RTN3: variants seen among roughly 807,000 people sequenced by gnomAD.
RTN3 encodes reticulon-3.
Under a neutral mutation model 77.8 loss-of-function variants are expected in RTN3, and 49 were observed. The ratio of observed to expected loss-of-function variants is 0.63; its 90% CI spans 0.50 to 0.80. The LOEUF is 0.80. RTN3 is among the 30% of genes least tolerant of loss of function. The probability of loss-of-function intolerance (pLI) is 0.00; values close to 1 mark genes in which losing one functional copy is unlikely to be tolerated. For synonymous variants in RTN3, 464 were observed against 446.9 expected (o/e 1.04, Z -0.48); for missense variants, 1,236 against 1,211.9 (o/e 1.02, Z -0.29).
At chr11:63,754,338 G>C (rs1048242010) in intron 7 of RTN3, among the ~76,000 whole-genome samples, 2 of 151,914 alleles carry the variant, frequency 1.3e-5, no homozygotes, top group Admixed American at 1.3e-4. Flanking sequence ...CAGATCACTT[G>C]AGGTCAGGAG....
At chr11:63,684,001 G>C (rs1308694118) in intron 1 of RTN3, among the ~76,000 whole-genome samples, 1 of 133,678 alleles carries the variant, frequency 7.5e-6, no homozygotes, top group African/African-American at 2.9e-5. Flanking sequence ...TCACAGACTG[G>C]AGTGCAGTGG....
chr11:63,696,101 A>AAAC (rs1941925011), intron 1 of RTN3, among the ~76,000 whole-genome samples: 1 of 151,918 alleles, frequency 6.6e-6, no homozygotes. Flanking sequence ...TTAAAAAAAA[A>AAAC]AAAAAAACCT....
intron 2 of RTN3, among the ~76,000 whole-genome samples, chr11:63,708,600 A>G (rs1460005422): frequency 1.3e-5 from 2 of 152,352 alleles, no homozygotes; most frequent in East Asian, 3.9e-4. Context: ...AAAGTTTTTA[A>G]AAGTAAATTT....
intron 3 of RTN3, among the ~76,000 whole-genome samples, chr11:63,735,580 CTCTCTCTCTCTCTCTCTCTCTT>C (rs1209334599): frequency 1.3e-5 from 2 of 148,900 alleles, no homozygotes; most frequent in African/African-American, 2.5e-5. Flanking sequence ...CTCTCTCTCT[CTCTCTCTCTCTCTCTCTCTCTT>C]TCTTTCAACC....
rs149556717 is a variant in RTN3, at chr11:63,719,701, A to C, written c.1199A>C (p.Lys400Thr). Residue 400 changes from lysine (K) to threonine (T), a missense_variant, in exon 3 of 9, where the codon AAA becomes ACA. This residue lies in a region of RTN3 where 1,056 missense variants were observed against 990.4 expected (regional missense o/e 1.07). Transcript: ENST00000377819. ...CSIDGSTPIT[K>T]STGDWAEASL... is the part of the protein sequence containing the mutation. Reference sequence around the variant, plus strand: ...ATTGATGGGAGCACTCCCATCACTAAATCAACAGGTGATTGGGCAGAAGCA... The same window carrying C: ...ATTGATGGGAGCACTCCCATCACTACATCAACAGGTGATTGGGCAGAAGCA... 30 of 1,614,062 alleles carry C rather than the reference A, an allele frequency of 1.9e-5. No homozygotes were observed. Among genetic ancestry groups the C allele is most frequent in the Non-Finnish European group, 2.2e-5 (26 of 1,180,040 alleles).
intron 1 of RTN3, among the ~76,000 whole-genome samples, chr11:63,694,473 G>T: frequency 6.6e-6 from 1 of 150,796 alleles, no homozygotes; most frequent in Admixed American, 6.6e-5. Context: ...ACTGCGCCTG[G>T]CCTTTTAATT....
intron 1 of RTN3, among the ~76,000 whole-genome samples, chr11:63,700,521 CG>C (rs1413920774): frequency 6.6e-6 from 1 of 151,342 alleles, no homozygotes; most frequent in Non-Finnish European, 1.5e-5. Context: ...TGGGCGCAAG[CG>C]GTCCACCTGC....
chr11:63,713,998 A>G (rs781305381), intron 2 of RTN3: 2 of 518,594 alleles, frequency 3.9e-6, no homozygotes, highest in South Asian at 1.4e-5. Flanking sequence ...AGCAGTGACT[A>G]CAAGTGCCAT....
chr11:63,754,907 G>A (rs571356735), intron 7 of RTN3, among the ~76,000 whole-genome samples: 22 of 115,924 alleles, frequency 1.9e-4, no homozygotes, highest in Middle Eastern at 6.9e-3. Flanking sequence ...CAGCCTGGGC[G>A]ACAGGGAGAC....
chr11:63,743,480 AT>A (rs1169741034), intron 3 of RTN3, among the ~76,000 whole-genome samples: 7 of 152,168 alleles, frequency 4.6e-5, no homozygotes, highest in African/African-American at 1.7e-4. Context: ...CCTTGGTGGA[AT>A]TCTTTAAAAT....
intron 3 of RTN3, among the ~76,000 whole-genome samples, chr11:63,747,881 A>G (rs1233331081): frequency 6.6e-6 from 1 of 152,230 alleles, no homozygotes; most frequent in African/African-American, 2.4e-5. Flanking sequence ...TTAAAGTAAT[A>G]TAGTGAGAAA....
At chr11:63,711,096 A>G (rs577852334) in intron 2 of RTN3, among the ~76,000 whole-genome samples, 4 of 152,022 alleles carry the variant, frequency 2.6e-5, no homozygotes, top group Non-Finnish European at 4.4e-5. Flanking sequence ...CCTGGCTGAC[A>G]TGGCAAAACC....
chr11:63,753,094 C>A lies in RTN3; in HGVS notation c.2903C>A (p.Thr968Asn). Residue 968 changes from threonine (T) to asparagine (N), a missense_variant, in exon 6 of 9, where the codon ACC becomes AAC. Physicochemically the swap from Thr to Asn is moderately conservative, Grantham distance 65. This residue lies in a region of RTN3 where 141 missense variants were observed against 154.9 expected (regional missense o/e 0.91). Coordinates refer to ENST00000377819, the MANE Select transcript of RTN3 (RefSeq NM_001265589.2). ...CTGGCTGTCTTCATGTGGCTGATGA[C>A]CTATGTTGGTGCTGTTTTTAACGGA... ...LKLAVFMWLMTYVGAVFNGIT... is the reference protein window; with the variant it reads ...LKLAVFMWLMNYVGAVFNGIT... The A allele has an allele frequency of 1.2e-6, 2 of 1,614,038 alleles. No homozygotes were observed. The highest frequency in any genetic ancestry group is 1.7e-6 in the Non-Finnish European group (2 of 1,179,998).
At chr11:63,699,564 T>C (rs1465561785) in intron 1 of RTN3, among the ~76,000 whole-genome samples, 1 of 152,184 alleles carries the variant, frequency 6.6e-6, no homozygotes, top group Non-Finnish European at 1.5e-5. Context: ...CACGTGATAT[T>C]GTCACACCCT....
At chr11:63,740,548 C>T (rs369617904) in intron 3 of RTN3, among the ~76,000 whole-genome samples, 61 of 150,292 alleles carry the variant, frequency 4.1e-4, no homozygotes, top group Middle Eastern at 3.5e-3. Context: ...CCATCTGCCT[C>T]GGCCTCCTAA....
At position 63,720,639 on chromosome 11, in the gene RTN3, C is replaced by A. The variant is rs866923996; in HGVS notation, c.2137C>A (p.Gln713Lys). The A allele has an allele frequency of 5.0e-6, 8 of 1,613,832 alleles. No homozygotes were observed. Among genetic ancestry groups the A allele is most frequent in the Middle Eastern group, 1.6e-4 (1 of 6,082 alleles). Residue 713 changes from glutamine (Q) to lysine (K), a missense_variant, in exon 3 of 9, where the codon CAA (glutamine) becomes AAA (lysine). By Grantham distance (53) the Gln-to-Lys change is moderately conservative. This residue lies in a region of RTN3 where 1,056 missense variants were observed against 990.4 expected (regional missense o/e 1.07). Transcript: ENST00000377819. ...AGACATTGGAAGCAAATACAGTGAA[C>A]AAAGCAAAGAAACAAATGGAAGTGA... ...IKDIGSKYSE[Q>K]SKETNGSEPL...
At chr11:63,716,129 T>C (rs2011384011) in intron 2 of RTN3, among the ~76,000 whole-genome samples, 1 of 152,220 alleles carries the variant, frequency 6.6e-6, no homozygotes, top group Non-Finnish European at 1.5e-5. Context: ...AATAACCAGA[T>C]TACAGTTATA....
chr11:63,757,716 T>G (rs1379549042), intron 8 of RTN3, among the ~76,000 whole-genome samples: 1 of 126,638 alleles, frequency 7.9e-6, no homozygotes, highest in African/African-American at 2.6e-5. Flanking sequence ...ACATTTTTCT[T>G]TTTTTCTTTT....
Position 63,747,248 on chromosome 11 carries a change from T to A in RTN3, c.2531-2743T>A, listed in dbSNP as rs1343612274. ...TCTGTTTGTTCTACTACTGATGACG[T>A]CGGCCCTCTAAGCCTTCTGTGTTGA... On this transcript the variant is annotated intron_variant, in intron 3 of 8. Transcript: ENST00000377819. Among the ~76,000 whole-genome samples, 4 of 152,246 alleles carry A rather than the reference T, an allele frequency of 2.6e-5. No homozygotes were observed. In the East Asian group the frequency reaches 7.7e-4, roughly 29 times the overall value.
Sources: allele counts gnomAD v4.1 joint callset (sites outside exome capture counted in the v4.1 genomes callset), GRCh38; gene constraint gnomAD v4.1.1; regional missense constraint gnomAD v4.1.1; transcripts MANE v1.5; gene names NCBI Gene and HGNC (gene_info 2026-07-23, HGNC 2026-07-21).